The following AGBL4 variants were observed in gnomAD, a reference collection of about 807,000 sequenced individuals.
The protein encoded by AGBL4 is cytosolic carboxypeptidase 6.
Under a neutral mutation model 66.4 loss-of-function variants are expected in AGBL4, and 58 were observed. That is an observed-to-expected ratio of 0.87 (90% CI 0.71 to 1.09). The LOEUF is 1.09. Ranked by LOEUF, AGBL4 falls within the 50% of genes least tolerant of loss-of-function variation. The pLI is 0.00. For missense variants in AGBL4, 579 were observed against 631.0 expected, an observed-to-expected ratio of 0.92 and a Z score of 0.88; for synonymous variants, 234 against 222.9, an observed-to-expected ratio of 1.05 and a Z score of -0.44.
chr1:49,011,118 TG>T (rs1387876794), intron 5 of AGBL4, among the ~76,000 whole-genome samples: 1 of 150,654 alleles, frequency 6.6e-6, no homozygotes, highest in African/African-American at 2.4e-5. Flanking sequence ...AGAAAATTTT[TG>T]CAACCTACTC....
chr1:48,707,939 C>T (rs1380576165), intron 6 of AGBL4, among the ~76,000 whole-genome samples: 2 of 152,098 alleles, frequency 1.3e-5, no homozygotes, highest in African/African-American at 2.4e-5. Context: ...TGGAAAGGGG[C>T]AGGGGAGGAA....
At chr1:49,236,893 T>C (rs4926800) in intron 4 of AGBL4, among the ~76,000 whole-genome samples, 139,989 of 151,922 alleles carry the variant, frequency 0.92, 64,659 homozygotes, top group South Asian at 0.95. Context: ...GAAACCTCGG[T>C]GGGGAGGTAA....
intron 5 of AGBL4, among the ~76,000 whole-genome samples, chr1:48,934,298 G>A (rs1231970527): frequency 6.6e-6 from 1 of 152,052 alleles, no homozygotes; most frequent in Admixed American, 6.6e-5. Flanking sequence ...GCTTAGTAAG[G>A]GGCAGCATGA....
chr1:49,011,884 G>T (rs1401784920), intron 5 of AGBL4, among the ~76,000 whole-genome samples: 141 of 72,104 alleles, frequency 2.0e-3, no homozygotes, highest in African/African-American at 6.0e-3. Flanking sequence ...ACTGTTGTGG[G>T]GTGGGGGGTG....
At chr1:49,810,790 T>C (rs558751989) in intron 2 of AGBL4, among the ~76,000 whole-genome samples, 1 of 152,260 alleles carries the variant, frequency 6.6e-6, no homozygotes, top group South Asian at 2.1e-4. Flanking sequence ...GGAAGTTTTT[T>C]AGTAGAAAGT....
intron 4 of AGBL4, among the ~76,000 whole-genome samples, chr1:49,112,286 C>T (rs1441988018): frequency 6.6e-6 from 1 of 152,052 alleles, no homozygotes; most frequent in Non-Finnish European, 1.5e-5. Flanking sequence ...AATAAGATAC[C>T]GTATTTGAAA....
intron 3 of AGBL4, among the ~76,000 whole-genome samples, chr1:49,367,199 T>G (rs982289134): frequency 6.6e-6 from 1 of 152,222 alleles, no homozygotes; most frequent in Non-Finnish European, 1.5e-5. Flanking sequence ...AATCTCATGT[T>G]GAAATGTGAT....
At chr1:48,572,114 A>G (rs1449799734) in intron 11 of AGBL4, among the ~76,000 whole-genome samples, 4 of 152,118 alleles carry the variant, frequency 2.6e-5, no homozygotes, top group African/African-American at 9.7e-5. Context: ...GAAAAGAACA[A>G]AAGAAGGAGG....
chr1:49,450,085 G>A lies in AGBL4; in HGVS notation c.283-204221C>T, dbSNP rs150967635. 3.4e-3 allele frequency among the ~76,000 whole-genome samples: 516 copies of A among 151,970 alleles called. 1 individual carries two copies. Among genetic ancestry groups the A allele is most frequent in the African/African-American group, 0.012 (486 of 41,476 alleles). ...AAAATCATCTTCCAGTAATGCCTTT[G>A]GTTTCAATTTTTAAATATTTGATGT... On this transcript the variant is annotated intron_variant, in intron 3 of 13. Transcript: ENST00000371839.
rs148355896 is a variant in AGBL4 at position 48,632,540 on chromosome 1, T to G, written c.951+1953A>C. On this transcript the variant is annotated intron_variant, in intron 9 of 13. Coordinates refer to ENST00000371839, the MANE Select transcript of AGBL4 (RefSeq NM_032785.4). Reference sequence around the variant, plus strand: ...TGGGGATTTAACTAAAATACCACTTTGTTCAATGGTTTCCACTCTGTCACT... The same window carrying G: ...TGGGGATTTAACTAAAATACCACTTGGTTCAATGGTTTCCACTCTGTCACT... Among the ~76,000 whole-genome samples the G allele has an allele frequency of 2.8e-3, 427 of 152,332 alleles. 2 individuals carry two copies. Among genetic ancestry groups the G allele is most frequent in the Non-Finnish European group, 5.0e-3 (342 of 68,032 alleles).
intron 9 of AGBL4, among the ~76,000 whole-genome samples, chr1:48,609,777 C>T (rs1645208454): frequency 6.6e-6 from 1 of 152,206 alleles, no homozygotes; most frequent in Non-Finnish European, 1.5e-5. Context: ...CTAAAATTCT[C>T]TCCCCACTGC....
chr1:48,888,393 A>G (rs1422245574), intron 5 of AGBL4, among the ~76,000 whole-genome samples: 2 of 152,152 alleles, frequency 1.3e-5, no homozygotes, highest in African/African-American at 4.8e-5. Flanking sequence ...TGTCCGTTAG[A>G]GGAGTTCTGC....
intron 2 of AGBL4, among the ~76,000 whole-genome samples, chr1:49,808,704 G>T (rs924808370): frequency 1.3e-5 from 2 of 152,024 alleles, no homozygotes; most frequent in Non-Finnish European, 2.9e-5. Flanking sequence ...GAAAAAGCAC[G>T]TTGAATATAT....
chr1:48,827,397 C>T (rs775059649), intron 6 of AGBL4, among the ~76,000 whole-genome samples: 1 of 152,168 alleles, frequency 6.6e-6, no homozygotes, highest in Non-Finnish European at 1.5e-5. Context: ...TGGCCTCTCC[C>T]TAGCTTCCCA....
chr1:48,611,402 C>A (rs1174191842), intron 9 of AGBL4, among the ~76,000 whole-genome samples: 1 of 152,208 alleles, frequency 6.6e-6, no homozygotes, highest in Non-Finnish European at 1.5e-5. Flanking sequence ...GATGTCAGGA[C>A]CCAGTACACT....
intron 1 of AGBL4, among the ~76,000 whole-genome samples, chr1:49,984,386 A>T (rs1659331121): frequency 6.6e-6 from 1 of 152,236 alleles, no homozygotes. Flanking sequence ...CTTTTGACAT[A>T]GAGAGCTTAA....
At chr1:48,681,651 G>A (rs1281153186) in intron 6 of AGBL4, among the ~76,000 whole-genome samples, 2 of 152,182 alleles carry the variant, frequency 1.3e-5, no homozygotes. Context: ...AATCTTCTAG[G>A]TTTCTTCTCC....
intron 3 of AGBL4, among the ~76,000 whole-genome samples, chr1:49,550,641 T>C (rs1652881376): frequency 6.6e-6 from 1 of 152,202 alleles, no homozygotes; most frequent in South Asian, 2.1e-4. Flanking sequence ...CAATCCCTTC[T>C]AGCTTGTAGG....
chr1:48,776,922 A>C (rs1645126262), intron 6 of AGBL4: 37 of 362,288 alleles, frequency 1.0e-4, no homozygotes, highest in East Asian at 4.8e-4. Flanking sequence ...GAGTCTCGCT[A>C]CGGTGCTGGG....
Sources: gnomAD v4.1 joint callset for allele counts (sites outside exome capture counted in the v4.1 genomes callset) on GRCh38, gnomAD v4.1.1 for gene constraint, MANE v1.5 for transcripts, NCBI Gene and HGNC (gene_info 2026-07-23, HGNC 2026-07-21) for gene names.